IL31RA: variants seen among roughly 807,000 people sequenced by gnomAD.
The protein encoded by IL31RA is interleukin 31 receptor A.
IL31RA carries 66 observed loss-of-function variants against 83.7 expected under a neutral mutation model. That is an observed-to-expected ratio of 0.79 (90% CI 0.65 to 0.97). The LOEUF is 0.97. Among genes scored for constraint, IL31RA ranks in the 50% least tolerant of loss-of-function variants. The pLI is 0.00. For synonymous variants in IL31RA, 325 were observed against 329.0 expected (o/e 0.99, Z 0.13); for missense variants, 798 against 919.4 (o/e 0.87, Z 1.71).
At chr5:55,881,868 A>G (rs1372656050) in intron 4 of IL31RA, among the ~76,000 whole-genome samples, 2 of 151,606 alleles carry the variant, frequency 1.3e-5, no homozygotes, top group Non-Finnish European at 2.9e-5. Flanking sequence ...GCCCGCCACC[A>G]TGCCCGGCTA....
At chr5:55,847,524 G>A (rs546469430), upstream of IL31RA, among the ~76,000 whole-genome samples, 1 of 152,266 alleles carries the variant, frequency 6.6e-6, no homozygotes, top group South Asian at 2.1e-4. Flanking sequence ...GGAAGTTGCA[G>A]TGAGCCAAGA....
chr5:55,916,836 T>C lies in IL31RA; in HGVS notation c.2011T>C (p.Tyr671His), dbSNP rs767256319. The C allele has an allele frequency of 1.9e-6, 3 of 1,614,122 alleles. No homozygotes were observed. Among genetic ancestry groups the C allele is most frequent in the Non-Finnish European group, 2.5e-6 (3 of 1,180,018 alleles). Residue 671 changes from tyrosine (Y) to histidine (H), a missense_variant, in exon 15 of 15, where the codon TAT (tyrosine) becomes CAT (histidine). Coordinates refer to ENST00000652347, the MANE Select transcript of IL31RA (RefSeq NM_139017.7). ...ENNLGGEKNG[Y>H]VTCPFRPDCP... ...CAATTTAGGAGGGGAAAAGAATGGG[T>C]ATGTGACCTGCCCCTTCAGGCCTGA...
At chr5:55,839,915 T>A in the IL31RA span, 1 of 688,330 alleles carries the variant, frequency 1.5e-6, no homozygotes, top group Non-Finnish European at 2.7e-6. Flanking sequence ...TTGAGCCTTA[T>A]TTTGAATTTT....
chr5:55,898,042 TGCCGCCGCATGGGACAACA>T (rs987311031), intron 7 of IL31RA, among the ~76,000 whole-genome samples: 7 of 152,324 alleles, frequency 4.6e-5, no homozygotes, highest in African/African-American at 1.7e-4. Flanking sequence ...GAGGCGGTGC[TGCCGCCGCATGGGACAACA>T]GCCAGAGATG....
intron 4 of IL31RA, among the ~76,000 whole-genome samples, chr5:55,878,893 C>T (rs563580541): frequency 2.6e-5 from 4 of 152,276 alleles, no homozygotes; most frequent in Non-Finnish European, 5.9e-5. Flanking sequence ...CTCAAGTGAT[C>T]TGCTTGCCTC....
chr5:55,908,799 TG>T lies in IL31RA; in HGVS notation c.1501+389del, dbSNP rs574483395. The T allele has an allele frequency of 2.9e-4, 402 of 1,403,258 alleles. 3 individuals carry two copies. In the South Asian group the frequency reaches 5.3e-3, roughly 18 times the overall value. 86.9% of individuals were successfully genotyped at this position (1,403,258 alleles called of 1,614,324 possible). A position where few individuals can be genotyped will look rare whatever the true frequency, so the allele number is the denominator to read the frequency against. On this transcript the variant is annotated intron_variant, in intron 11 of 14. Coordinates refer to ENST00000652347, the MANE Select transcript of IL31RA (RefSeq NM_139017.7). ...TACTGCCCCTGCCAAATCATGCTTT[TG>T]TTTTTCAGTCCACCTTATCTCCTGA... is the stretch of plus-strand genomic sequence containing the variant.
At chr5:55,888,776 G>C (rs1747797354) in intron 5 of IL31RA, among the ~76,000 whole-genome samples, 1 of 152,088 alleles carries the variant, frequency 6.6e-6, no homozygotes, top group Non-Finnish European at 1.5e-5. Flanking sequence ...GGATGCTCAG[G>C]GAACCTGGGA....
chr5:55,902,047 A>G (rs1748854167), intron 8 of IL31RA, among the ~76,000 whole-genome samples: 2 of 152,216 alleles, frequency 1.3e-5, no homozygotes, highest in Admixed American at 1.3e-4. Context: ...TTTGTGTCAG[A>G]TACGACTGTG....
intron 5 of IL31RA, among the ~76,000 whole-genome samples, chr5:55,889,111 T>C (rs1747821847): frequency 6.6e-6 from 1 of 152,190 alleles, no homozygotes; most frequent in Non-Finnish European, 1.5e-5. Flanking sequence ...AGGCTTTGGG[T>C]TTTATAAACT....
chr5:55,896,548 T>C (rs543764597), intron 7 of IL31RA, 119 bp downstream of exon 7: 89 of 465,958 alleles, frequency 1.9e-4, no homozygotes, highest in African/African-American at 1.1e-3. Flanking sequence ...TCCCTTCCCT[T>C]CCCTCCCCTC....
chr5:55,843,876 TCTTTTGTTTC>T, the IL31RA span, among the ~76,000 whole-genome samples: 1 of 152,230 alleles, frequency 6.6e-6, no homozygotes, highest in Non-Finnish European at 1.5e-5. Flanking sequence ...AAAGTTGGTT[TCTTTTGTTTC>T]CTTTTGTTTG....
upstream of IL31RA, among the ~76,000 whole-genome samples, chr5:55,849,126 A>C (rs1744996906): frequency 6.6e-6 from 1 of 152,200 alleles, no homozygotes; most frequent in Non-Finnish European, 1.5e-5. Context: ...TGGCACTCTA[A>C]GACTTACCAC....
intron 12 of IL31RA, among the ~76,000 whole-genome samples, chr5:55,911,081 C>A (rs545418347): frequency 3.9e-5 from 6 of 152,250 alleles, no homozygotes; most frequent in African/African-American, 1.4e-4. Flanking sequence ...TAAAGACATA[C>A]CCGGGACTGG....
In IL31RA at chr5:55,914,804, T is replaced by C. The variant is rs771742991; in HGVS notation, c.1737-43T>C. ...TGACTCAGCCATATGGTGCTAATGC[T>C]TCTTGGATTCAATTCCCATCTTAAA... is the stretch of plus-strand genomic sequence containing the variant. On this transcript the variant is annotated intron_variant, in intron 13 of 14. Transcript: ENST00000652347. The C allele has an allele frequency of 4.3e-6, 6 of 1,389,344 alleles. No homozygotes were observed. The East Asian group carries it at 1.4e-4, about 32-fold the overall frequency. 86.1% of individuals were successfully genotyped at this position (1,389,344 alleles called of 1,614,324 possible).
Position 55,910,558 on chromosome 5 carries a change from C to T in IL31RA, c.1528C>T (p.Gln510Ter). Residue 510 changes from glutamine to a stop codon, truncating the protein, a stop_gained, in exon 12 of 15, where the codon CAG becomes TAG. Coordinates refer to ENST00000652347, the MANE Select transcript of IL31RA (RefSeq NM_139017.7). LOFTEE classifies it high-confidence loss of function. The part of the protein sequence containing the change: ...FSKTVNSSIL[Q>*]YGLESLKRKT... ...CAAGACAGTCAATTCCAGCATCTTG[C>T]AGTACGGCCTGGAGTCCCTGAAACG... is the stretch of plus-strand genomic sequence containing the variant. The T allele has an allele frequency of 6.2e-7, 1 of 1,614,126 alleles. No individual in the cohort carries two copies. Among genetic ancestry groups the T allele is most frequent in the African/African-American group, 1.3e-5 (1 of 75,006 alleles).
intron 3 of IL31RA, among the ~76,000 whole-genome samples, chr5:55,869,399 T>C (rs755661594): frequency 3.2e-4 from 48 of 152,172 alleles, no homozygotes; most frequent in Non-Finnish European, 3.5e-4. Context: ...TCCAATTCTG[T>C]AGAATGAAAA....
intron 14 of IL31RA, among the ~76,000 whole-genome samples, chr5:55,915,395 G>A (rs1209533724): frequency 6.6e-6 from 1 of 152,196 alleles, no homozygotes; most frequent in Non-Finnish European, 1.5e-5. Context: ...TCAGGCTGGG[G>A]ACGTCAGAGT....
rs77191689 is a variant in IL31RA, at chr5:55,921,685, G to A, written c.*4565G>A. On this transcript the variant is annotated 3_prime_UTR_variant, in exon 15 of 15. Transcript: ENST00000652347. ...GAGCTTGATTTTGTCAATTTATCGGGAATAGTTAATGAAACTTTATAGTTA... is the reference window on the plus strand; with the variant it reads ...GAGCTTGATTTTGTCAATTTATCGGAAATAGTTAATGAAACTTTATAGTTA... Among the ~76,000 whole-genome samples the A allele has an allele frequency of 6.6e-6, 1 of 152,136 alleles. No homozygotes were observed. The highest frequency in any genetic ancestry group is 1.5e-5 in the Non-Finnish European group (1 of 68,028).
In IL31RA at chr5:55,917,225, GCCTAGGT is replaced by G; in HGVS notation, c.*106_*112del. The G allele has an allele frequency of 6.3e-7, 1 of 1,597,582 alleles. No homozygotes were observed. Among genetic ancestry groups the G allele is most frequent in the Non-Finnish European group, 8.5e-7 (1 of 1,177,798 alleles). On this transcript the variant is annotated 3_prime_UTR_variant, in exon 15 of 15. Coordinates refer to ENST00000652347, the MANE Select transcript of IL31RA (RefSeq NM_139017.7). ...CGCTTGCTTGGCCCTGCCACATCCT[GCCTAGGT>G]TAAAGTTTCCCCTGCCCCTTGAGCT...
Sources: gnomAD v4.1 joint callset for allele counts (sites outside exome capture counted in the v4.1 genomes callset) on GRCh38, gnomAD v4.1.1 for gene constraint, MANE v1.5 for transcripts, NCBI Gene and HGNC (gene_info 2026-07-23, HGNC 2026-07-21) for gene names.